The following PPL variants were observed in gnomAD, a reference collection of about 807,000 sequenced individuals.
PPL encodes 190 kDa paraneoplastic pemphigus antigen.
PPL carries 198 observed loss-of-function variants against 194.4 expected under a neutral mutation model. The ratio of observed to expected loss-of-function variants is 1.02; its 90% CI spans 0.91 to 1.15. PPL has a LOEUF of 1.15. PPL is among the 50% of genes most tolerant of loss of function. The probability of loss-of-function intolerance (pLI) is 0.00; values close to 1 mark genes in which losing one functional copy is unlikely to be tolerated. For missense variants in PPL, 2,885 were observed against 2,294.8 expected, an observed-to-expected ratio of 1.26 and a Z score of -5.25; for synonymous variants, 1,220 against 972.4, an observed-to-expected ratio of 1.25 and a Z score of -4.74.
rs149712293 is a variant in PPL at position 4,884,712 on chromosome 16, G to T, written c.3943C>A (p.Leu1315Ile). 1.9e-6 allele frequency: 3 copies of T among 1,613,990 alleles called. No homozygotes were observed. The highest frequency in any genetic ancestry group is 1.3e-5 in the African/African-American group (1 of 74,912). ...ACTTGTTTCTTCTGCTCCTCTGAGA[G>T]CTTTGCCCTCAGAGACGCCACCTCC... Reference protein sequence around the residue: ...KEEVASLRAKLSEEQKKQVDL... With the variant: ...KEEVASLRAKISEEQKKQVDL... Residue 1315 changes from leucine to isoleucine, a missense_variant, in exon 22 of 22, where the codon CTC becomes ATC. By Grantham distance (5) the Leu-to-Ile change is conservative. Coordinates refer to ENST00000345988, the MANE Select transcript of PPL (RefSeq NM_002705.5). This position sits in a 1 kb window ranked among gnomAD's most constrained non-coding sequence, Gnocchi z 5.7.
chr16:4,892,053 A>G lies in PPL; in HGVS notation c.1811T>C (p.Leu604Pro), dbSNP rs1596548300. The G allele has an allele frequency of 2.5e-6, 4 of 1,613,540 alleles. No homozygotes were observed. The highest frequency in any genetic ancestry group is 3.4e-6 in the Non-Finnish European group (4 of 1,179,866). ...NRKYEHLLQL[L>P]DLAQEKVDVA... ...CACCCACTTCTCCTGGGCCAAGTCC[A>G]GCAGCTGCAGGAGGTGCTCGTATTT... is the stretch of plus-strand genomic sequence containing the variant. Residue 604 changes from leucine to proline, a missense_variant, in exon 15 of 22, where the codon CTG (leucine) becomes CCG (proline). Coordinates refer to ENST00000345988, the MANE Select transcript of PPL (RefSeq NM_002705.5).
At chr16:4,906,728 G>T (rs1167382026) in intron 2 of PPL, among the ~76,000 whole-genome samples, 2 of 152,214 alleles carry the variant, frequency 1.3e-5, no homozygotes, top group Non-Finnish European at 1.5e-5. Flanking sequence ...AAAGTTCAAA[G>T]TCGGGCAGAA....
In PPL at chr16:4,902,405, C is replaced by T; in HGVS notation, c.438+1G>A. 6.2e-7 allele frequency: 1 copy of T among 1,613,892 alleles called. No homozygotes were observed. Among genetic ancestry groups the T allele is most frequent in the Non-Finnish European group, 8.5e-7 (1 of 1,179,874 alleles). On this transcript the variant is annotated splice_donor_variant, in intron 4 of 21. Transcript: ENST00000345988. LOFTEE classifies it high-confidence loss of function. This position sits in a 1 kb window ranked among gnomAD's most constrained non-coding sequence, Gnocchi z 4.0. ...AGCCAGCGGCCCCGTCCAGGCCATA[C>T]CAGCTTCTCCTCCACCAGTGCCGCC...
chr16:4,905,168 C>T (rs2088657812), intron 2 of PPL, among the ~76,000 whole-genome samples: 2 of 152,158 alleles, frequency 1.3e-5, no homozygotes, highest in South Asian at 2.1e-4. Flanking sequence ...CCGCCGGTCC[C>T]TTCCCCTAGC....
At chr16:4,894,767 G>T in intron 11 of PPL, 149 bp from the exon 12 acceptor site, 1 of 901,634 alleles carries the variant, frequency 1.1e-6, no homozygotes, top group Non-Finnish European at 1.6e-6. Flanking sequence ...GCATGCAGGA[G>T]AAGCACATGT....
chr16:4,913,612 G>A (rs531801742), intron 1 of PPL, among the ~76,000 whole-genome samples: 59 of 152,250 alleles, frequency 3.9e-4, no homozygotes, highest in African/African-American at 1.2e-3. Flanking sequence ...ATCTTGGCTC[G>A]CTGCAACCTC....
chr16:4,898,505 C>A (rs1334002851), intron 8 of PPL, among the ~76,000 whole-genome samples: 1 of 152,078 alleles, frequency 6.6e-6, no homozygotes, highest in Non-Finnish European at 1.5e-5. Flanking sequence ...GACTGATATC[C>A]TTATAAGAAG....
intron 18 of PPL, 132 bp from the exon 19 acceptor site, chr16:4,889,193 T>A (rs1295727152): frequency 1.5e-6 from 1 of 654,580 alleles, no homozygotes; most frequent in Admixed American, 2.5e-5. Flanking sequence ...AATGGCTCCC[T>A]TGTATACATT....
chr16:4,890,945 G>C, intron 16 of PPL, 24 bp from the exon 17 acceptor site: 1 of 1,492,942 alleles, frequency 6.7e-7, no homozygotes, highest in Non-Finnish European at 9.0e-7. Flanking sequence ...GGAGGAGACG[G>C]CGGTGCTACG....
At chr16:4,896,819 G>C (rs749108866) in intron 9 of PPL, among the ~76,000 whole-genome samples, 12 of 151,766 alleles carry the variant, frequency 7.9e-5, no homozygotes, top group Non-Finnish European at 1.2e-4. Flanking sequence ...TATTTTAGTA[G>C]AGATGGGGTT....
intron 1 of PPL, among the ~76,000 whole-genome samples, chr16:4,935,754 G>T (rs995105709): frequency 1.3e-5 from 2 of 152,232 alleles, no homozygotes; most frequent in Non-Finnish European, 2.9e-5. Context: ...TGTCCGACTG[G>T]TCGGCCTAGG....
chr16:4,894,119 G>A (rs1020211373), intron 12 of PPL, among the ~76,000 whole-genome samples: 3 of 152,174 alleles, frequency 2.0e-5, no homozygotes, highest in African/African-American at 2.4e-5. Flanking sequence ...GAAGGTGCCT[G>A]GGAGCAAAGA....
intron 1 of PPL, among the ~76,000 whole-genome samples, chr16:4,935,837 G>C (rs1239356094): frequency 6.6e-6 from 1 of 152,210 alleles, no homozygotes; most frequent in East Asian, 1.9e-4. Context: ...GTGAGGAGCT[G>C]CTTGAGGGCA....
chr16:4,924,611 T>G (rs1336016057), intron 1 of PPL, among the ~76,000 whole-genome samples: 1 of 152,152 alleles, frequency 6.6e-6, no homozygotes, highest in Non-Finnish European at 1.5e-5. Flanking sequence ...GGACAGGGTC[T>G]CCTCTGTGGG....
chr16:4,924,340 G>A (rs891498110), intron 1 of PPL, among the ~76,000 whole-genome samples: 2 of 152,052 alleles, frequency 1.3e-5, no homozygotes, highest in African/African-American at 4.8e-5. Flanking sequence ...ACAGACATAC[G>A]TGCACAGCCC....
Position 4,883,536 on chromosome 16 carries a change from A to C in PPL, c.5119T>G (p.Ser1707Ala). The C allele has an allele frequency of 6.2e-7, 1 of 1,613,176 alleles. No homozygotes were observed. The highest frequency in any genetic ancestry group is 8.5e-7 in the Non-Finnish European group (1 of 1,179,810). ...EISVKGPNGE[S>A]SVIHDRKSGK... is the part of the protein sequence containing the mutation. ...GACTTCCTGTCGTGTATCACTGAGG[A>C]CTCCCCATTGGGACCCTTCACTGAG... The change falls in exon 22 of 22, where the codon TCC becomes GCC. Residue 1707 changes from serine to alanine, a missense_variant. Ser to Ala is a moderately conservative substitution (Grantham distance 99). Coordinates refer to ENST00000345988, the MANE Select transcript of PPL (RefSeq NM_002705.5). This position sits in a 1 kb window ranked among gnomAD's most constrained non-coding sequence, Gnocchi z 4.8.
chr16:4,900,709 C>T (rs949649560), intron 6 of PPL, 121 bp downstream of exon 6: 22 of 1,380,770 alleles, frequency 1.6e-5, no homozygotes, highest in Non-Finnish European at 1.8e-5. Flanking sequence ...AAGTGCTAGG[C>T]GTGAGCCACC....
At chr16:4,917,309 A>G (rs1220341698) in intron 1 of PPL, among the ~76,000 whole-genome samples, 3 of 152,072 alleles carry the variant, frequency 2.0e-5, no homozygotes, top group Non-Finnish European at 2.9e-5. Context: ...AACGTGGTCT[A>G]TCTCTATTAT....
chr16:4,909,665 G>A (rs372329799), intron 2 of PPL, among the ~76,000 whole-genome samples: 2 of 151,996 alleles, frequency 1.3e-5, no homozygotes, highest in Non-Finnish European at 2.9e-5. Context: ...GACCTCAAGT[G>A]ATCTACCCAC....
Sources: gnomAD v4.1 joint callset for allele counts (sites outside exome capture counted in the v4.1 genomes callset) on GRCh38, gnomAD v4.1.1 for gene constraint, Gnocchi (gnomAD v3.1) non-coding constraint, MANE v1.5 for transcripts, NCBI Gene and HGNC (gene_info 2026-07-23, HGNC 2026-07-21) for gene names.